ADGRB3: variants seen among roughly 807,000 people sequenced by gnomAD.
The protein encoded by ADGRB3 is adhesion G protein-coupled receptor B3, also known as brain-specific angiogenesis inhibitor 3.
A neutral mutation model predicts 193.4 loss-of-function variants in ADGRB3; 37 were observed. The observed-to-expected ratio is 0.19, with a 90% CI of 0.15 to 0.25. ADGRB3 has a LOEUF of 0.25. ADGRB3 is among the 10% of genes least tolerant of loss of function. The pLI is 1.00. For synonymous variants in ADGRB3, 690 were observed against 644.2 expected, an observed-to-expected ratio of 1.07 and a Z score of -1.08; for missense variants, 1,637 against 1,852.9, an observed-to-expected ratio of 0.88 and a Z score of 2.14.
intron 17 of ADGRB3, among the ~76,000 whole-genome samples, chr6:69,206,912 C>T (rs984267661): frequency 2.0e-5 from 3 of 152,140 alleles, no homozygotes; most frequent in Admixed American, 1.3e-4. Context: ...CATTTGTAGT[C>T]CTGGATTGGG....
intron 20 of ADGRB3, among the ~76,000 whole-genome samples, chr6:69,286,081 A>C (rs1483839089): frequency 6.6e-6 from 1 of 152,054 alleles, no homozygotes; most frequent in East Asian, 1.9e-4. Flanking sequence ...TTCTGCTTCT[A>C]CAAAATAGTC....
At chr6:68,977,722 C>T (rs1768789004) in intron 10 of ADGRB3, among the ~76,000 whole-genome samples, 1 of 152,064 alleles carries the variant, frequency 6.6e-6, no homozygotes, top group Non-Finnish European at 1.5e-5. Flanking sequence ...TTATTCGGCT[C>T]CTACATAGTA....
At chr6:69,230,460 T>A (rs1345199129) in intron 17 of ADGRB3, among the ~76,000 whole-genome samples, 1 of 152,208 alleles carries the variant, frequency 6.6e-6, no homozygotes, top group Admixed American at 6.5e-5. Context: ...ACATATCAAT[T>A]TGCTTTACAA....
chr6:68,806,209 C>T (rs73745878), intron 3 of ADGRB3, among the ~76,000 whole-genome samples: 4,703 of 152,208 alleles, frequency 0.031, 238 homozygotes, highest in African/African-American at 0.11. Context: ...AAAACAATAA[C>T]CTCTAATAAT....
intron 3 of ADGRB3, among the ~76,000 whole-genome samples, chr6:68,685,059 T>TA (rs1460358911): frequency 6.6e-6 from 1 of 152,176 alleles, no homozygotes; most frequent in Non-Finnish European, 1.5e-5. Flanking sequence ...AAACATTGAA[T>TA]ATCTCTAACA....
intron 27 of ADGRB3, among the ~76,000 whole-genome samples, chr6:69,354,551 A>G (rs1201947389): frequency 2.0e-5 from 3 of 152,140 alleles, no homozygotes; most frequent in East Asian, 1.9e-4. Flanking sequence ...TGGGAGTCCT[A>G]TGCAACACTG....
chr6:68,976,052 A>G (rs192601966), intron 10 of ADGRB3, among the ~76,000 whole-genome samples: 40 of 152,290 alleles, frequency 2.6e-4, no homozygotes, highest in African/African-American at 9.1e-4. Context: ...AGGGTGTAGA[A>G]CAAAATATGA....
chr6:68,981,237 A>T (rs1471379267), intron 10 of ADGRB3, among the ~76,000 whole-genome samples: 11 of 151,624 alleles, frequency 7.3e-5, no homozygotes. Flanking sequence ...AAGTCTCTTT[A>T]TTTTATTCAG....
At chr6:68,734,073 G>T (rs1328672649) in intron 3 of ADGRB3, among the ~76,000 whole-genome samples, 3 of 151,702 alleles carry the variant, frequency 2.0e-5, no homozygotes, top group Admixed American at 1.3e-4. Context: ...AGAGAATGTT[G>T]TTCAGCAACT....
chr6:68,995,259 T>C (rs1440561504), intron 11 of ADGRB3, among the ~76,000 whole-genome samples: 2 of 152,176 alleles, frequency 1.3e-5, no homozygotes, highest in Non-Finnish European at 2.9e-5. Context: ...ATGCTTCTAT[T>C]AATATTTACA....
chr6:69,203,262 G>A (rs527680068), intron 17 of ADGRB3, among the ~76,000 whole-genome samples: 339 of 152,234 alleles, frequency 2.2e-3, no homozygotes, highest in African/African-American at 7.7e-3. Flanking sequence ...GATCATTACT[G>A]TGGTTTTATT....
chr6:69,379,398 C>T (rs1769898699), intron 30 of ADGRB3, among the ~76,000 whole-genome samples: 1 of 151,898 alleles, frequency 6.6e-6, no homozygotes, highest in Admixed American at 6.6e-5. Context: ...ATGAAATAGA[C>T]CAATAGATTT....
chr6:69,207,929 T>C (rs1765573441), intron 17 of ADGRB3, among the ~76,000 whole-genome samples: 1 of 152,190 alleles, frequency 6.6e-6, no homozygotes, highest in Non-Finnish European at 1.5e-5. Flanking sequence ...GGGACAAATC[T>C]CTGCCCTTTC....
chr6:68,768,045 C>A (rs1462346139), intron 3 of ADGRB3, among the ~76,000 whole-genome samples: 1 of 152,090 alleles, frequency 6.6e-6, no homozygotes, highest in Non-Finnish European at 1.5e-5. Flanking sequence ...AGAGAAGACA[C>A]AAACAAATGG....
At chr6:69,380,296 AG>A (rs1177225394) in intron 30 of ADGRB3, among the ~76,000 whole-genome samples, 4 of 152,000 alleles carry the variant, frequency 2.6e-5, no homozygotes, top group African/African-American at 7.2e-5. Context: ...AGAGAATAGT[AG>A]GAATATCAAT....
chr6:69,310,661 G>A (rs181319016), intron 20 of ADGRB3, among the ~76,000 whole-genome samples: 42 of 151,558 alleles, frequency 2.8e-4, no homozygotes, highest in African/African-American at 8.7e-4. Context: ...CATAATTTCC[G>A]GTAGATGTTT....
At chr6:69,380,133 A>G (rs1305487841) in intron 30 of ADGRB3, among the ~76,000 whole-genome samples, 1 of 151,972 alleles carries the variant, frequency 6.6e-6, no homozygotes, top group Non-Finnish European at 1.5e-5. Flanking sequence ...CCAATCAGCT[A>G]ATGTATATTC....
intron 17 of ADGRB3, among the ~76,000 whole-genome samples, chr6:69,204,939 A>T (rs953582477): frequency 1.3e-5 from 2 of 152,192 alleles, no homozygotes; most frequent in African/African-American, 4.8e-5. Context: ...TCTGAAAATC[A>T]TACTGTGCCT....
At chr6:69,273,167 C>T (rs1767218088) in intron 20 of ADGRB3, among the ~76,000 whole-genome samples, 1 of 152,170 alleles carries the variant, frequency 6.6e-6, no homozygotes, top group Admixed American at 6.5e-5. Flanking sequence ...TCCCAAAGTG[C>T]TGGGATTACA....
Sources: allele counts gnomAD v4.1 joint callset (sites outside exome capture counted in the v4.1 genomes callset), GRCh38; gene constraint gnomAD v4.1.1; transcripts MANE v1.5; gene names NCBI Gene and HGNC (gene_info 2026-07-23, HGNC 2026-07-21).